The following WDPCP variants were observed in gnomAD, a reference collection of about 807,000 sequenced individuals.
WDPCP encodes WD repeat-containing and planar cell polarity effector protein fritz homolog.
WDPCP carries 71 observed loss-of-function variants against 93.1 expected under a neutral mutation model. The observed-to-expected ratio is 0.76, with a 90% CI of 0.63 to 0.93. The LOEUF (loss-of-function observed/expected upper bound fraction) is 0.93. WDPCP is among the 40% of genes least tolerant of loss of function. The probability of loss-of-function intolerance (pLI) is 0.00; values close to 1 mark genes in which losing one functional copy is unlikely to be tolerated. For synonymous variants in WDPCP, 315 were observed against 315.0 expected (o/e 1.00, Z 0.00); for missense variants, 844 against 887.4 (o/e 0.95, Z 0.62).
intron 15 of WDPCP, among the ~76,000 whole-genome samples, chr2:63,154,396 T>C (rs1672092792): frequency 6.6e-6 from 1 of 152,124 alleles, no homozygotes. Context: ...ATGATTGGAA[T>C]TATACCATAT....
upstream of WDPCP, chr2:63,588,708 T>C (rs1166940073): frequency 6.3e-6 from 3 of 477,406 alleles, no homozygotes; most frequent in South Asian, 4.4e-5. Context: ...GCAGGTCCTT[T>C]CCTCCTGAGC....
chr2:63,815,903 T>C (rs1006727713), intron 1 of WDPCP, among the ~76,000 whole-genome samples: 1 of 151,992 alleles, frequency 6.6e-6, no homozygotes, highest in African/African-American at 2.4e-5. Context: ...TTTGCTTTTT[T>C]TTTTCACTTT....
At chr2:63,331,485 T>A (rs2104341287) in intron 12 of WDPCP, among the ~76,000 whole-genome samples, 1 of 152,314 alleles carries the variant, frequency 6.6e-6, no homozygotes, top group East Asian at 1.9e-4. Flanking sequence ...AGTCATCTAT[T>A]TCAGGAAAGA....
At chr2:63,185,438 A>G (rs892686736) in intron 14 of WDPCP, among the ~76,000 whole-genome samples, 1 of 148,028 alleles carries the variant, frequency 6.8e-6, no homozygotes, top group Non-Finnish European at 1.5e-5. Context: ...TGACTGTAAT[A>G]TATGTTGTGC....
chr2:63,721,107 C>T (rs1041713389), intron 2 of WDPCP, among the ~76,000 whole-genome samples: 1 of 152,212 alleles, frequency 6.6e-6, no homozygotes, highest in Non-Finnish European at 1.5e-5. Flanking sequence ...ACTACCTTGA[C>T]AATTTTTGTT....
At chr2:63,149,982 C>A (rs1671781361) in intron 17 of WDPCP, among the ~76,000 whole-genome samples, 1 of 151,832 alleles carries the variant, frequency 6.6e-6, no homozygotes, top group Non-Finnish European at 1.5e-5. Context: ...GCCTGGGTGA[C>A]AGAGTGAGAC....
chr2:63,240,892 C>A (rs1210593744), intron 14 of WDPCP, among the ~76,000 whole-genome samples: 2 of 151,912 alleles, frequency 1.3e-5, no homozygotes, highest in Non-Finnish European at 2.9e-5. Flanking sequence ...CATTTTATGA[C>A]TAGGTAAGTT....
At chr2:63,573,523 G>A (rs1490334817) in intron 1 of WDPCP, among the ~76,000 whole-genome samples, 3 of 152,142 alleles carry the variant, frequency 2.0e-5, no homozygotes, top group Non-Finnish European at 4.4e-5. Context: ...GATTTCCTAT[G>A]CCCGTTTTTA....
intron 3 of WDPCP, among the ~76,000 whole-genome samples, chr2:63,628,057 C>A (rs955447452): frequency 2.6e-5 from 4 of 152,210 alleles, no homozygotes. Flanking sequence ...CGCGAGGACT[C>A]CTGGCACCCG....
At chr2:63,322,474 C>T (rs1339066865) in intron 12 of WDPCP, among the ~76,000 whole-genome samples, 4 of 152,178 alleles carry the variant, frequency 2.6e-5, no homozygotes, top group Admixed American at 2.6e-4. Context: ...TGAAGGTCTG[C>T]AGCTTCACTC....
At chr2:63,122,179 A>T in intron 17 of WDPCP, 123 bp from the exon 18 acceptor site, 2 of 793,056 alleles carry the variant, frequency 2.5e-6, no homozygotes, top group Non-Finnish European at 4.1e-6. Flanking sequence ...TTTAAAATGT[A>T]CTGCACATAG....
At chr2:63,183,416 T>A (rs534617156) in intron 14 of WDPCP, among the ~76,000 whole-genome samples, 3 of 152,140 alleles carry the variant, frequency 2.0e-5, no homozygotes, top group South Asian at 4.1e-4. Flanking sequence ...GTTATCCAAT[T>A]TCCATGTATT....
intron 10 of WDPCP, among the ~76,000 whole-genome samples, chr2:63,396,606 G>T (rs1693745750): frequency 6.6e-6 from 1 of 152,022 alleles, no homozygotes. Flanking sequence ...CTCAGCTGGG[G>T]AGATAAAGAC....
chr2:63,251,486 C>CTTTT (rs869243555), intron 14 of WDPCP, among the ~76,000 whole-genome samples: 37 of 107,160 alleles, frequency 3.5e-4, no homozygotes, highest in Non-Finnish European at 4.2e-4. Flanking sequence ...AAAAGCCTAC[C>CTTTT]TTTTTTTTTT....
chr2:63,550,817 A>G (rs1705577000), intron 1 of WDPCP, among the ~76,000 whole-genome samples: 1 of 151,902 alleles, frequency 6.6e-6, no homozygotes, highest in African/African-American at 2.4e-5. Context: ...ACACCCATAG[A>G]AAGGCAAGCT....
intron 9 of WDPCP, among the ~76,000 whole-genome samples, chr2:63,421,966 G>A (rs1558612147): frequency 1.3e-5 from 2 of 152,292 alleles, no homozygotes; most frequent in East Asian, 1.9e-4. Context: ...TAAAAACTCT[G>A]TAGTCCTGAA....
chr2:63,331,151 T>C (rs1270172909), intron 12 of WDPCP, among the ~76,000 whole-genome samples: 3 of 152,204 alleles, frequency 2.0e-5, no homozygotes, highest in Non-Finnish European at 2.9e-5. Flanking sequence ...CCATCATGCC[T>C]AATTTTTTTA....
chr2:63,549,890 G>A (rs1006653409), intron 1 of WDPCP, among the ~76,000 whole-genome samples: 4 of 151,978 alleles, frequency 2.6e-5, no homozygotes, highest in African/African-American at 9.7e-5. Context: ...GCTCCAAATA[G>A]TAAGAAAGGG....
chr2:63,493,270 TTTTTAAG>T (rs1360038749), intron 1 of WDPCP, among the ~76,000 whole-genome samples: 1 of 152,156 alleles, frequency 6.6e-6, no homozygotes, highest in African/African-American at 2.4e-5. Context: ...TTTAAGCATT[TTTTTAAG>T]TTTTATTTTA....
Sources: gnomAD v4.1 joint callset for allele counts (sites outside exome capture counted in the v4.1 genomes callset) on GRCh38, gnomAD v4.1.1 for gene constraint, MANE v1.5 for transcripts, NCBI Gene and HGNC (gene_info 2026-07-23, HGNC 2026-07-21) for gene names.